Variants in BMP5 observed in about 807,000 individuals in gnomAD.
BMP5 encodes bone morphogenetic protein 5.
A neutral mutation model predicts 46.6 loss-of-function variants in BMP5; 23 were observed. The ratio of observed to expected loss-of-function variants is 0.49; its 90% CI spans 0.35 to 0.70. The LOEUF (loss-of-function observed/expected upper bound fraction) is 0.70. Ranked by LOEUF, BMP5 falls within the 30% of genes least tolerant of loss-of-function variation. The pLI is 0.00. For synonymous variants in BMP5, 204 were observed against 191.9 expected, an observed-to-expected ratio of 1.06 and a Z score of -0.52; for missense variants, 545 against 565.6, an observed-to-expected ratio of 0.96 and a Z score of 0.37.
At position 55,811,787 on chromosome 6, in the gene BMP5, T is replaced by C. The variant is rs140541244; in HGVS notation, c.683+7868A>G. On this transcript the variant is annotated intron_variant, in intron 2 of 6. Transcript: ENST00000370830. ...CTTCTTGAAAAGTTCAGCTCAATAG[T>C]GAACTCCTCTCAGAGGCTTTCCCTA... Among the ~76,000 whole-genome samples, 351 of 152,234 alleles carry C rather than the reference T, an allele frequency of 2.3e-3. 1 individual carries two copies. The highest frequency in any genetic ancestry group is 8.2e-3 in the African/African-American group (340 of 41,550).
intron 2 of BMP5, among the ~76,000 whole-genome samples, chr6:55,797,639 C>T (rs1389947458): frequency 4.2e-5 from 5 of 120,408 alleles, no homozygotes; most frequent in Admixed American, 2.0e-4. Flanking sequence ...TTTTTTGAGA[C>T]GGAGTCTAGC....
At chr6:55,823,452 T>C (rs1776456611) in intron 1 of BMP5, among the ~76,000 whole-genome samples, 3 of 152,022 alleles carry the variant, frequency 2.0e-5, no homozygotes, top group African/African-American at 4.8e-5. Flanking sequence ...GCTGAAGCCA[T>C]GGTAACTTAT....
intron 2 of BMP5, among the ~76,000 whole-genome samples, chr6:55,809,164 T>C (rs1350639927): frequency 6.6e-6 from 1 of 152,184 alleles, no homozygotes; most frequent in African/African-American, 2.4e-5. Context: ...TTAAAGTAAT[T>C]TCTACCTCAA....
chr6:55,874,428 A>G lies in BMP5; in HGVS notation c.438T>C (p.His146=). Residue 146 remains histidine, a synonymous_variant, in exon 1 of 7, where the codon CAT becomes CAC. Transcript: ENST00000370830. ...TTQSPPLASL[H]DTNFLNDADM... ...CAGCATCATTCAGAAAGTTGGTATC[A>G]TGGAGGCTGGCTAGAGGAGGACTCT... 6.2e-7 allele frequency: 1 copy of G among 1,613,260 alleles called. No individual in the cohort carries two copies. The highest frequency in any genetic ancestry group is 8.5e-7 in the Non-Finnish European group (1 of 1,179,514).
chr6:55,810,362 C>CA (rs1776099173), intron 2 of BMP5, among the ~76,000 whole-genome samples: 1 of 152,110 alleles, frequency 6.6e-6, no homozygotes, highest in Admixed American at 6.6e-5. Flanking sequence ...GTTGGAATCT[C>CA]ACTAAGAAAA....
At chr6:55,816,475 T>C (rs1274370714) in intron 2 of BMP5, among the ~76,000 whole-genome samples, 2 of 152,128 alleles carry the variant, frequency 1.3e-5, no homozygotes, top group Non-Finnish European at 2.9e-5. Flanking sequence ...AATAACATAT[T>C]ATAGTATTCA....
chr6:55,866,875 C>G (rs1777652115), intron 1 of BMP5, among the ~76,000 whole-genome samples: 1 of 152,112 alleles, frequency 6.6e-6, no homozygotes, highest in South Asian at 2.1e-4. Flanking sequence ...GTAATTATCT[C>G]TCACACTAAA....
chr6:55,803,269 C>T (rs1201082705), intron 2 of BMP5, among the ~76,000 whole-genome samples: 1 of 151,618 alleles, frequency 6.6e-6, no homozygotes, highest in Non-Finnish European at 1.5e-5. Context: ...GCACTCCAGC[C>T]TATGTGACAA....
intron 6 of BMP5, among the ~76,000 whole-genome samples, 176 bp from the exon 7 acceptor site, chr6:55,755,858 A>G (rs1774580316): frequency 6.6e-6 from 1 of 151,936 alleles, no homozygotes; most frequent in Admixed American, 6.6e-5. Context: ...CTTAAGCATT[A>G]ACACCTGGAA....
At chr6:55,851,226 C>A (rs1777237478) in intron 1 of BMP5, among the ~76,000 whole-genome samples, 1 of 151,712 alleles carries the variant, frequency 6.6e-6, no homozygotes, top group South Asian at 2.1e-4. Context: ...CCATTCTAAG[C>A]AGCTAGACAG....
At chr6:55,779,413 T>TA (rs1351753729) in intron 3 of BMP5, among the ~76,000 whole-genome samples, 1 of 152,096 alleles carries the variant, frequency 6.6e-6, no homozygotes, top group Non-Finnish European at 1.5e-5. Context: ...CAAATCAGTG[T>TA]ATTATCTCCC....
chr6:55,804,139 G>A (rs560572017), intron 2 of BMP5, among the ~76,000 whole-genome samples: 1 of 152,268 alleles, frequency 6.6e-6, no homozygotes, highest in South Asian at 2.1e-4. Flanking sequence ...ATATGTTGAA[G>A]TACTAGTCCC....
chr6:55,811,641 C>G (rs1776136564), intron 2 of BMP5, among the ~76,000 whole-genome samples: 1 of 151,606 alleles, frequency 6.6e-6, no homozygotes, highest in African/African-American at 2.4e-5. Context: ...CCTCTGCCCT[C>G]TCTCTCTCTG....
intron 3 of BMP5, among the ~76,000 whole-genome samples, chr6:55,777,183 T>A (rs992057689): frequency 1.3e-5 from 2 of 151,928 alleles, no homozygotes; most frequent in Non-Finnish European, 2.9e-5. Flanking sequence ...TACACTTATA[T>A]TGATTATGTT....
chr6:55,769,130 C>T (rs1774986269), intron 4 of BMP5, among the ~76,000 whole-genome samples: 1 of 151,872 alleles, frequency 6.6e-6, no homozygotes, highest in South Asian at 2.1e-4. Context: ...GTGGCTGTGG[C>T]AATTTCTTAA....
At chr6:55,765,478 T>C (rs1427055843) in intron 4 of BMP5, among the ~76,000 whole-genome samples, 2 of 152,126 alleles carry the variant, frequency 1.3e-5, no homozygotes, top group Admixed American at 1.3e-4. Flanking sequence ...AGACCTTAAT[T>C]TATTTATAAA....
intron 3 of BMP5, among the ~76,000 whole-genome samples, chr6:55,784,159 G>A (rs1208108103): frequency 6.6e-6 from 1 of 151,812 alleles, no homozygotes; most frequent in Non-Finnish European, 1.5e-5. Context: ...TCTTAAGTAT[G>A]ATCAAACCTG....
At chr6:55,833,879 G>A (rs1218873392) in intron 1 of BMP5, among the ~76,000 whole-genome samples, 1 of 152,070 alleles carries the variant, frequency 6.6e-6, no homozygotes, top group African/African-American at 2.4e-5. Context: ...ACAATGTCCA[G>A]AGAGAACCAC....
At chr6:55,797,160 T>C (rs1380306227) in intron 2 of BMP5, among the ~76,000 whole-genome samples, 1 of 152,148 alleles carries the variant, frequency 6.6e-6, no homozygotes, top group Non-Finnish European at 1.5e-5. Context: ...GCCCCTTTCA[T>C]AGCAGGTTCT....
Sources: allele counts gnomAD v4.1 joint callset (sites outside exome capture counted in the v4.1 genomes callset), GRCh38; gene constraint gnomAD v4.1.1; transcripts MANE v1.5; gene names NCBI Gene and HGNC (gene_info 2026-07-23, HGNC 2026-07-21).